ULK4: variants seen among roughly 807,000 people sequenced by gnomAD.
The protein encoded by ULK4 is unc-51 like kinase 4, also known as inactive serine/threonine-protein kinase ULK4.
In ULK4, 133 loss-of-function variants were observed where a neutral mutation model predicts 160.6. The ratio of observed to expected loss-of-function variants is 0.83; its 90% CI spans 0.72 to 0.96. The LOEUF is 0.96. Ranked by LOEUF, ULK4 falls within the 40% of genes least tolerant of loss-of-function variation. ULK4 has a pLI of 0.00. For synonymous variants in ULK4, 534 were observed against 539.8 expected (o/e 0.99, Z 0.15); for missense variants, 1,580 against 1,499.5 (o/e 1.05, Z -0.89).
chr3:41,694,319 G>T (rs1009194286), intron 27 of ULK4, among the ~76,000 whole-genome samples: 26 of 152,220 alleles, frequency 1.7e-4, no homozygotes, highest in African/African-American at 6.0e-4. Context: ...TGGCTCCAGG[G>T]ACAGAACAAT....
chr3:41,727,462 C>G (rs2037689990), intron 22 of ULK4, among the ~76,000 whole-genome samples: 1 of 152,174 alleles, frequency 6.6e-6, no homozygotes, highest in Non-Finnish European at 1.5e-5. Context: ...AGTCACTTGC[C>G]AGAGAAAACC....
chr3:41,867,513 C>T (rs9869530), intron 17 of ULK4, among the ~76,000 whole-genome samples: 8,798 of 152,146 alleles, frequency 0.058, 522 homozygotes, highest in African/African-American at 0.15. Flanking sequence ...CTGGGATTAC[C>T]GGTGTGTACC....
intron 35 of ULK4, among the ~76,000 whole-genome samples, chr3:41,317,997 C>G (rs1461727714): frequency 6.6e-6 from 1 of 152,202 alleles, no homozygotes; most frequent in East Asian, 1.9e-4. Context: ...AGTGCCATTT[C>G]ATTGACCCTT....
intron 32 of ULK4, among the ~76,000 whole-genome samples, chr3:41,510,657 T>C (rs1002506199): frequency 5.3e-5 from 8 of 152,110 alleles, no homozygotes; most frequent in South Asian, 2.1e-4. Context: ...TGGAATAAAA[T>C]TGGAAATCAA....
chr3:41,696,483 C>T (rs2036506357), intron 27 of ULK4, among the ~76,000 whole-genome samples: 1 of 152,130 alleles, frequency 6.6e-6, no homozygotes, highest in Non-Finnish European at 1.5e-5. Context: ...TTTACCCTGC[C>T]CCTTTTGCTT....
intron 18 of ULK4, among the ~76,000 whole-genome samples, chr3:41,824,862 G>T (rs1348681011): frequency 1.3e-5 from 2 of 152,188 alleles, no homozygotes; most frequent in African/African-American, 4.8e-5. Context: ...CGGACAGACT[G>T]CCTCCTCAAG....
At chr3:41,480,034 T>G (rs574945629) in intron 32 of ULK4, among the ~76,000 whole-genome samples, 1 of 151,764 alleles carries the variant, frequency 6.6e-6, no homozygotes. Flanking sequence ...GATGAAACCT[T>G]GTCTCTACTA....
At chr3:41,820,404 A>C (rs940236870) in intron 18 of ULK4, among the ~76,000 whole-genome samples, 2 of 152,294 alleles carry the variant, frequency 1.3e-5, no homozygotes, top group East Asian at 1.9e-4. Flanking sequence ...AAAAACATGG[A>C]ATCAACTTAG....
chr3:41,661,005 A>C (rs1442527556), intron 30 of ULK4, among the ~76,000 whole-genome samples: 2 of 152,084 alleles, frequency 1.3e-5, no homozygotes, highest in Non-Finnish European at 2.9e-5. Context: ...AAATTGTATA[A>C]ATTTTATACA....
rs2083729671 is a variant in ULK4 at position 41,463,067 on chromosome 3, C to A, written c.3393+20G>T. On this transcript the variant is annotated intron_variant, in intron 33 of 36. Coordinates refer to ENST00000301831, the MANE Select transcript of ULK4 (RefSeq NM_017886.4). Reference sequence around the variant, plus strand: ...AAATGGAGTAGGGCTGCTCAAGACACAGGAAAACAGATCCTCTACCTGCAA... The same window carrying A: ...AAATGGAGTAGGGCTGCTCAAGACAAAGGAAAACAGATCCTCTACCTGCAA... 6.2e-7 allele frequency: 1 copy of A among 1,610,312 alleles called. No individual in the cohort carries two copies. Among genetic ancestry groups the A allele is most frequent in the Admixed American group, 1.7e-5 (1 of 59,888 alleles).
chr3:41,451,579 A>C (rs1392010594), intron 34 of ULK4, among the ~76,000 whole-genome samples: 1 of 152,140 alleles, frequency 6.6e-6, no homozygotes. Context: ...GCTGGGCAGC[A>C]GCAGAACCAG....
chr3:41,374,796 G>A (rs1373215947), intron 35 of ULK4, among the ~76,000 whole-genome samples: 1 of 152,138 alleles, frequency 6.6e-6, no homozygotes, highest in African/African-American at 2.4e-5. Flanking sequence ...GGGCAATCAG[G>A]CAAGAGAAAG....
At chr3:41,849,793 C>A (rs944324770) in intron 17 of ULK4, among the ~76,000 whole-genome samples, 6 of 152,018 alleles carry the variant, frequency 3.9e-5, no homozygotes, top group African/African-American at 1.4e-4. Context: ...TTGATGTAAA[C>A]CTAAAACTAC....
chr3:41,313,167 G>C (rs114678756), intron 35 of ULK4, among the ~76,000 whole-genome samples: 3,327 of 152,208 alleles, frequency 0.022, 82 homozygotes, highest in African/African-American at 0.068. Flanking sequence ...GGGGAATAGA[G>C]ACACAGCAGA....
chr3:41,618,211 T>C (rs555346782), intron 30 of ULK4, among the ~76,000 whole-genome samples: 122 of 152,158 alleles, frequency 8.0e-4, no homozygotes, highest in Admixed American at 2.0e-3. Flanking sequence ...CAGGATATTA[T>C]CCAGGAGAAC....
intron 30 of ULK4, among the ~76,000 whole-genome samples, chr3:41,622,203 C>A (rs1208103494): frequency 6.6e-6 from 1 of 152,130 alleles, no homozygotes. Context: ...GACAGTGTGG[C>A]AATTCCTCAA....
intron 9 of ULK4, 50 bp from the exon 10 acceptor site, chr3:41,911,709 T>C (rs1483636932): frequency 4.5e-6 from 6 of 1,344,794 alleles, no homozygotes; most frequent in Non-Finnish European, 6.3e-6. Flanking sequence ...GAGTTCTCTA[T>C]AGTTTTATGT....
intron 25 of ULK4, among the ~76,000 whole-genome samples, chr3:41,710,792 C>CA (rs201586973): frequency 0.014 from 1,433 of 103,580 alleles, 14 homozygotes; most frequent in Non-Finnish European, 0.023. Flanking sequence ...ACTCTTGTCT[C>CA]AAAAAAAAAA....
chr3:41,603,853 A>C (rs2050531712), intron 31 of ULK4, among the ~76,000 whole-genome samples: 2 of 152,172 alleles, frequency 1.3e-5, no homozygotes, highest in African/African-American at 4.8e-5. Flanking sequence ...TTCATTTACA[A>C]ATATATTTTT....
Sources: allele counts gnomAD v4.1 joint callset (sites outside exome capture counted in the v4.1 genomes callset), GRCh38; gene constraint gnomAD v4.1.1; transcripts MANE v1.5; gene names NCBI Gene and HGNC (gene_info 2026-07-23, HGNC 2026-07-21).